SIAH2: variants seen among roughly 807,000 people sequenced by gnomAD.
The protein encoded by SIAH2 is siah E3 ubiquitin protein ligase 2, also known as E3 ubiquitin-protein ligase SIAH2.
A neutral mutation model predicts 20.4 loss-of-function variants in SIAH2; 4 were observed. The ratio of observed to expected loss-of-function variants is 0.20; its 90% CI spans 0.10 to 0.45. The LOEUF is 0.45. SIAH2 is among the 20% of genes least tolerant of loss of function. The pLI is 0.99. For synonymous variants in SIAH2, 171 were observed against 192.5 expected (o/e 0.89, Z 0.93); for missense variants, 259 against 440.3 (o/e 0.59, Z 3.69).
rs1212915320 is a variant in SIAH2, at chr3:150,742,028, G to A, written c.*113C>T. On this transcript the variant is annotated 3_prime_UTR_variant, in exon 2 of 2. Transcript: ENST00000312960. The surrounding 1 kb of genome is among the most constrained non-coding windows in gnomAD (Gnocchi z 4.8). ...GGACACTGCTGTTCAAACAAAACAC[G>A]GGTAATTGTGGGTCCTGACTTGTGA... 1.1e-5 allele frequency: 11 copies of A among 1,030,496 alleles called. No homozygotes were observed. Among genetic ancestry groups the A allele is most frequent in the East Asian group, 7.8e-5 (3 of 38,550 alleles). The allele number at this position is 1,030,496 out of a possible 1,614,324, so 63.8% of individuals were successfully genotyped here. A position where few individuals can be genotyped will look rare whatever the true frequency, so the allele number is the denominator to read the frequency against.
At chr3:150,745,130 C>T (rs1298102818) in intron 1 of SIAH2, among the ~76,000 whole-genome samples, 1 of 151,978 alleles carries the variant, frequency 6.6e-6, no homozygotes, top group Non-Finnish European at 1.5e-5. Flanking sequence ...ACTGAACAAG[C>T]AGAACTTTCA....
chr3:150,750,770 C>A (rs1168207368), intron 1 of SIAH2, among the ~76,000 whole-genome samples: 1 of 152,092 alleles, frequency 6.6e-6, no homozygotes, highest in African/African-American at 2.4e-5. Context: ...AAAACATGAG[C>A]ACAGTTGTCC....
chr3:150,759,612 T>C (rs1322002304), intron 1 of SIAH2, among the ~76,000 whole-genome samples: 1 of 152,110 alleles, frequency 6.6e-6, no homozygotes, highest in East Asian at 1.9e-4. Flanking sequence ...TGCAGGTGCT[T>C]GGACTGGTCC....
intron 1 of SIAH2, among the ~76,000 whole-genome samples, chr3:150,752,374 C>T (rs1441385468): frequency 6.6e-6 from 1 of 152,112 alleles, no homozygotes; most frequent in African/African-American, 2.4e-5. Context: ...TTTGGGAGGC[C>T]GAGGCAGGCG....
At chr3:150,755,418 C>T (rs1405204150) in intron 1 of SIAH2, among the ~76,000 whole-genome samples, 1 of 148,678 alleles carries the variant, frequency 6.7e-6, no homozygotes, top group Non-Finnish European at 1.5e-5. Flanking sequence ...GCAGCCTGGA[C>T]CTCCTGGGCT....
rs534028421 is a variant in SIAH2, at chr3:150,744,023, A to AG, written c.418-1326_418-1325insC. ...GCTATGTCCAGTTGCTAAAAAAAAA[A>AG]AAAAGCACCACTGCTGTTTTTGCTT... On this transcript the variant is annotated intron_variant, in intron 1 of 1. Transcript: ENST00000312960. Among the ~76,000 whole-genome samples the AG allele has an allele frequency of 2.0e-5, 3 of 152,190 alleles. No individual in the cohort carries two copies. In the East Asian group the frequency reaches 5.8e-4, roughly 29 times the overall value.
At chr3:150,745,338 A>T (rs996992072) in intron 1 of SIAH2, among the ~76,000 whole-genome samples, 4 of 151,680 alleles carry the variant, frequency 2.6e-5, no homozygotes, top group Non-Finnish European at 4.4e-5. Flanking sequence ...TCAGAGCACC[A>T]TGGGTGTTTT....
chr3:150,753,457 A>T (rs1299690945), intron 1 of SIAH2, among the ~76,000 whole-genome samples: 1 of 152,232 alleles, frequency 6.6e-6, no homozygotes, highest in Admixed American at 6.5e-5. Flanking sequence ...ATTCAACTGT[A>T]AACCATTCTA....
chr3:150,742,710 G>A lies in SIAH2; in HGVS notation c.418-12C>T, dbSNP rs910438075. ...CCCGTGGTGGCATACTGCAAAGAAA[G>A]AAATGCATTGAGCCATTGGGCCTTC... is the stretch of plus-strand genomic sequence containing the variant. On this transcript the variant is annotated splice_polypyrimidine_tract_variant and intron_variant, in intron 1 of 1. Coordinates refer to ENST00000312960, the MANE Select transcript of SIAH2 (RefSeq NM_005067.7). This position sits in a 1 kb window ranked among gnomAD's most constrained non-coding sequence, Gnocchi z 4.8. 1 of 1,520,796 alleles carries A rather than the reference G, an allele frequency of 6.6e-7. No individual in the cohort carries two copies. The highest frequency in any genetic ancestry group is 1.4e-5 in the African/African-American group (1 of 72,058). 94.2% of individuals were successfully genotyped at this position (1,520,796 alleles called of 1,614,324 possible). A position where few individuals can be genotyped will look rare whatever the true frequency, so the allele number is the denominator to read the frequency against.
Position 150,763,016 on chromosome 3 carries a change from C to CT in SIAH2, c.-168_-167insA. ...GCGCCCGGCAGGCGGAGGGCTGGAC[C>CT]GCGCTGATGCACTCCGCAGCCCCCG... is the stretch of plus-strand genomic sequence containing the variant. On this transcript the variant is annotated 5_prime_UTR_variant, in exon 1 of 2. Coordinates refer to ENST00000312960, the MANE Select transcript of SIAH2 (RefSeq NM_005067.7). The surrounding 1 kb of genome is among the most constrained non-coding windows in gnomAD (Gnocchi z 4.1). 1 of 680,708 alleles carries CT rather than the reference C, an allele frequency of 1.5e-6. No homozygotes were observed. The highest frequency in any genetic ancestry group is 5.6e-5 in the Admixed American group (1 of 17,876). The allele number at this position is 680,708 out of a possible 1,614,324, so 42.2% of individuals were successfully genotyped here.
Position 150,762,753 on chromosome 3 carries a change from G to A in SIAH2, c.97C>T (p.Pro33Ser). The stretch of plus-strand genomic sequence containing the variant: ...GCAGCCGAGATGGTGGCGGCGGCCG[G>A]GGGCGCAGCCGGGGACGGAGTGTGC... ...PQHTPSPAAP[P>S]AAATISAAGP... Residue 33 changes from proline (P) to serine (S), a missense_variant, in exon 1 of 2, where the codon CCG (proline) becomes TCG (serine). By Grantham distance (74) the Pro-to-Ser change is moderately conservative. Transcript: ENST00000312960. The surrounding 1 kb of genome is among the most constrained non-coding windows in gnomAD (Gnocchi z 6.6). 1.9e-5 allele frequency: 23 copies of A among 1,185,604 alleles called. No homozygotes were observed. Among genetic ancestry groups the A allele is most frequent in the Non-Finnish European group, 2.4e-5 (23 of 951,142 alleles). The allele number at this position is 1,185,604 out of a possible 1,614,324, so 73.4% of individuals were successfully genotyped here. A position where few individuals can be genotyped will look rare whatever the true frequency, so the allele number is the denominator to read the frequency against.
In SIAH2 at chr3:150,751,500, A is replaced by C. The variant is rs552561898; in HGVS notation, c.418-8802T>G. Among the ~76,000 whole-genome samples the C allele has an allele frequency of 7.2e-4, 110 of 152,298 alleles. 4 individuals are homozygous for C. In the South Asian group the frequency reaches 0.022, roughly 30 times the overall value. ...TTTACAGACAGTGATAGGAGAAGAC[A>C]CTATTACTCAGCACTAGAACTGTCA... On this transcript the variant is annotated intron_variant, in intron 1 of 1. Transcript: ENST00000312960.
At chr3:150,754,613 T>C (rs1016306321) in intron 1 of SIAH2, among the ~76,000 whole-genome samples, 1 of 152,168 alleles carries the variant, frequency 6.6e-6, no homozygotes, top group African/African-American at 2.4e-5. Flanking sequence ...GATGTAGAAA[T>C]AAGTTTGCAA....
chr3:150,760,489 G>A (rs1264202135), intron 1 of SIAH2, among the ~76,000 whole-genome samples: 1 of 152,174 alleles, frequency 6.6e-6, no homozygotes, highest in African/African-American at 2.4e-5. Flanking sequence ...CCTGTTTCAC[G>A]TTAGGAAAGA....
chr3:150,746,515 T>C (rs1714217137), intron 1 of SIAH2, among the ~76,000 whole-genome samples: 1 of 152,182 alleles, frequency 6.6e-6, no homozygotes, highest in Admixed American at 6.5e-5. Context: ...TTGGACCTGA[T>C]AATTCGTTGT....
chr3:150,744,300 A>G (rs371303976), intron 1 of SIAH2, among the ~76,000 whole-genome samples: 14 of 152,174 alleles, frequency 9.2e-5, no homozygotes, highest in African/African-American at 3.4e-4. Context: ...TCATCCTCCA[A>G]CCCCCACTTC....
At chr3:150,756,348 G>A (rs1010773410) in intron 1 of SIAH2, among the ~76,000 whole-genome samples, 1 of 152,178 alleles carries the variant, frequency 6.6e-6, no homozygotes, top group Non-Finnish European at 1.5e-5. Context: ...TATCTGCTAC[G>A]TGCCCCTTTC....
At position 150,762,439 on chromosome 3, in the gene SIAH2, G is replaced by A; in HGVS notation, c.411C>T (p.Pro137=). The stretch of plus-strand genomic sequence containing the variant: ...GGGCTGTCCCTGGGCTTACCTTACA[G>A]GGAAACAGGACTGCCGAGGCCACCT... ...MEKVASAVLF[P]CKYATTGCSL... Residue 137 remains proline (P), a synonymous_variant, in exon 1 of 2, where the codon CCC becomes CCT. Coordinates refer to ENST00000312960, the MANE Select transcript of SIAH2 (RefSeq NM_005067.7). This position sits in a 1 kb window ranked among gnomAD's most constrained non-coding sequence, Gnocchi z 6.6. The A allele has an allele frequency of 6.2e-7, 1 of 1,611,792 alleles. No individual in the cohort carries two copies. Among genetic ancestry groups the A allele is most frequent in the Non-Finnish European group, 8.5e-7 (1 of 1,179,214 alleles).
intron 1 of SIAH2, among the ~76,000 whole-genome samples, chr3:150,747,861 G>A (rs1331743561): frequency 1.3e-5 from 2 of 151,468 alleles, no homozygotes; most frequent in African/African-American, 2.4e-5. Flanking sequence ...CTACCCGGGA[G>A]GCTAAGGCAG....
Sources: allele counts gnomAD v4.1 joint callset (sites outside exome capture counted in the v4.1 genomes callset), GRCh38; gene constraint gnomAD v4.1.1; non-coding constraint Gnocchi (gnomAD v3.1); transcripts MANE v1.5; gene names NCBI Gene and HGNC (gene_info 2026-07-23, HGNC 2026-07-21).